The following COP1 variants were observed in gnomAD, a reference collection of about 807,000 sequenced individuals.
The protein encoded by COP1 is E3 ubiquitin-protein ligase COP1.
Under a neutral mutation model 101.3 loss-of-function variants are expected in COP1, and 24 were observed. The ratio of observed to expected loss-of-function variants is 0.24; its 90% CI spans 0.17 to 0.33. The LOEUF (loss-of-function observed/expected upper bound fraction) is 0.33, where lower values mean the gene tolerates loss of function less well. Among genes scored for constraint, COP1 ranks in the 10% least tolerant of loss-of-function variants. COP1 has a pLI of 1.00. For synonymous variants in COP1, 347 were observed against 341.9 expected (o/e 1.01, Z -0.17); for missense variants, 663 against 906.2 (o/e 0.73, Z 3.45).
intron 18 of COP1, among the ~76,000 whole-genome samples, chr1:175,960,043 C>T (rs1651146433): frequency 6.6e-6 from 1 of 152,156 alleles, no homozygotes; most frequent in Non-Finnish European, 1.5e-5. Flanking sequence ...TAAGCCTCTT[C>T]ATCACCTAAG....
rs1468464839 is a variant in COP1, at chr1:176,062,153, A to G, written c.1278-15829T>C. 4.6e-5 allele frequency among the ~76,000 whole-genome samples: 7 copies of G among 152,102 alleles called. No individual in the cohort carries two copies. The South Asian group carries it at 1.0e-3, about 23-fold the overall frequency. On this transcript the variant is annotated intron_variant, in intron 11 of 19. Coordinates refer to ENST00000367669, the MANE Select transcript of COP1 (RefSeq NM_022457.7). ...GTAGCTGGGACTACAGGCGCCCGCC[A>G]GCACGCCTGGATAATTTTTTTTGTG...
At chr1:176,142,059 C>T (rs1690781004) in intron 6 of COP1, among the ~76,000 whole-genome samples, 1 of 151,936 alleles carries the variant, frequency 6.6e-6, no homozygotes, top group South Asian at 2.1e-4. Context: ...GAGAAGAAAA[C>T]AGAAAAAGCA....
intron 14 of COP1, among the ~76,000 whole-genome samples, chr1:176,041,706 C>A (rs1035605895): frequency 1.3e-5 from 2 of 152,156 alleles, no homozygotes; most frequent in Admixed American, 6.5e-5. Flanking sequence ...TGGCTCACAC[C>A]GGTAATTCCA....
intron 11 of COP1, among the ~76,000 whole-genome samples, chr1:176,072,303 A>T (rs1677138808): frequency 1.3e-5 from 2 of 152,232 alleles, no homozygotes; most frequent in Admixed American, 1.3e-4. Flanking sequence ...CCCAGCAGGT[A>T]AAACAAATTT....
At chr1:176,196,909 G>A (rs1305574909) in intron 1 of COP1, among the ~76,000 whole-genome samples, 10 of 138,274 alleles carry the variant, frequency 7.2e-5, no homozygotes, top group South Asian at 2.6e-4. Context: ...AAAGAAAGAA[G>A]AAAGAGAAAG....
Position 176,027,606 on chromosome 1 carries a change from G to A in COP1, c.1695C>T (p.Pro565=), listed in dbSNP as rs1397703877. The A allele has an allele frequency of 6.2e-7, 1 of 1,613,528 alleles. No individual in the cohort carries two copies. The highest frequency in any genetic ancestry group is 2.2e-5 in the East Asian group (1 of 44,862). Residue 565 remains proline, a synonymous_variant, in exon 15 of 20, where the codon CCC becomes CCT. Transcript: ENST00000367669. ...CGAAAGCCAAATGGTATCTGGAAGAGGGGCTGAATTTAACACAGCACACAT... is the reference window on the plus strand; with the variant it reads ...CGAAAGCCAAATGGTATCTGGAAGAAGGGCTGAATTTAACACAGCACACAT... The part of the protein sequence containing the change: ...KANVCCVKFS[P]SSRYHLAFGC...
At chr1:176,051,268 T>C (rs912542027) in intron 11 of COP1, among the ~76,000 whole-genome samples, 1 of 152,172 alleles carries the variant, frequency 6.6e-6, no homozygotes, top group African/African-American at 2.4e-5. Context: ...GATACTAACA[T>C]AGCTGCTGAA....
At chr1:176,077,461 A>G (rs1678262494) in intron 11 of COP1, among the ~76,000 whole-genome samples, 1 of 152,182 alleles carries the variant, frequency 6.6e-6, no homozygotes, top group East Asian at 1.9e-4. Flanking sequence ...TCCCGTCATG[A>G]TAACAACCCT....
At chr1:175,981,608 A>T (rs533112779) in intron 18 of COP1, among the ~76,000 whole-genome samples, 9 of 152,306 alleles carry the variant, frequency 5.9e-5, no homozygotes, top group Admixed American at 2.0e-4. Context: ...GGTCTGAAAA[A>T]TTTTTTGGCT....
intron 15 of COP1, among the ~76,000 whole-genome samples, chr1:176,003,928 A>T (rs1005768893): frequency 1.3e-5 from 2 of 152,084 alleles, no homozygotes; most frequent in African/African-American, 4.8e-5. Context: ...TTGAATCTGT[A>T]AATTACCCTG....
intron 15 of COP1, among the ~76,000 whole-genome samples, chr1:176,008,654 C>G (rs755782849): frequency 1.3e-5 from 2 of 151,930 alleles, no homozygotes; most frequent in African/African-American, 2.4e-5. Flanking sequence ...TACTGAAAAG[C>G]AGACACTTTG....
chr1:176,199,713 G>C (rs560458391), intron 1 of COP1, among the ~76,000 whole-genome samples: 20 of 152,294 alleles, frequency 1.3e-4, no homozygotes, highest in Middle Eastern at 3.4e-3. Flanking sequence ...TGAAATTCCA[G>C]AAAAGGCAAA....
intron 18 of COP1, chr1:175,982,409 G>C (rs1298427447): frequency 4.4e-6 from 2 of 456,382 alleles, no homozygotes; most frequent in African/African-American, 4.0e-5. Flanking sequence ...TCCAGAGAAA[G>C]ACCAACCCCA....
rs758966237 is a variant in COP1 at position 175,945,151 on chromosome 1, C to T, written c.*2G>A. 28 of 1,579,438 alleles carry T rather than the reference C, an allele frequency of 1.8e-5. No homozygotes were observed. Among genetic ancestry groups the T allele is most frequent in the Non-Finnish European group, 2.3e-5 (27 of 1,154,898 alleles). On this transcript the variant is annotated 3_prime_UTR_variant, in exon 20 of 20. Transcript: ENST00000367669. ...AAGTACAATTTGACTTGAGTTAACC[C>T]TTCATACCAATTCTAGCACCTAATT...
At chr1:176,053,644 T>C (rs1017745337) in intron 11 of COP1, among the ~76,000 whole-genome samples, 1 of 152,182 alleles carries the variant, frequency 6.6e-6, no homozygotes, top group African/African-American at 2.4e-5. Flanking sequence ...CTCCTTCACC[T>C]TATGACATAA....
chr1:176,190,635 T>A (rs1699019627), intron 1 of COP1, among the ~76,000 whole-genome samples: 1 of 151,968 alleles, frequency 6.6e-6, no homozygotes, highest in South Asian at 2.1e-4. Context: ...AGGGTCATAT[T>A]GCAATCCGGC....
intron 14 of COP1, among the ~76,000 whole-genome samples, chr1:176,032,268 C>T (rs1668766509): frequency 6.6e-6 from 1 of 152,060 alleles, no homozygotes; most frequent in South Asian, 2.1e-4. Flanking sequence ...AACTCAGGGG[C>T]AATGTGTATT....
At chr1:176,075,473 A>T (rs771475405) in intron 11 of COP1, among the ~76,000 whole-genome samples, 34 of 152,240 alleles carry the variant, frequency 2.2e-4, no homozygotes, top group Non-Finnish European at 4.3e-4. Context: ...TTTTAGGGTT[A>T]TTCGTTCTAA....
At chr1:175,969,832 C>G (rs1043015556) in intron 18 of COP1, among the ~76,000 whole-genome samples, 4 of 152,016 alleles carry the variant, frequency 2.6e-5, no homozygotes, top group Non-Finnish European at 5.9e-5. Flanking sequence ...TACTATATAA[C>G]CTTAATTTCT....
Sources: gnomAD v4.1 joint callset for allele counts (sites outside exome capture counted in the v4.1 genomes callset) on GRCh38, gnomAD v4.1.1 for gene constraint, MANE v1.5 for transcripts, NCBI Gene and HGNC (gene_info 2026-07-23, HGNC 2026-07-21) for gene names.